Variants in LPP observed in about 807,000 individuals in gnomAD.
LPP encodes LIM domain containing preferred translocation partner in lipoma.
In LPP, 38 loss-of-function variants were observed where a neutral mutation model predicts 60.4. The ratio of observed to expected loss-of-function variants is 0.63; its 90% CI spans 0.49 to 0.83. The LOEUF (loss-of-function observed/expected upper bound fraction) is 0.83, where lower values mean the gene tolerates loss of function less well. Among genes scored for constraint, LPP ranks in the 40% least tolerant of loss-of-function variants. LPP has a pLI of 0.00. For missense variants in LPP, 902 were observed against 783.6 expected (o/e 1.15, Z -1.80); for synonymous variants, 328 against 290.8 (o/e 1.13, Z -1.30).
intron 1 of LPP, among the ~76,000 whole-genome samples, chr3:188,207,609 T>G (rs897605312): frequency 6.6e-6 from 1 of 151,270 alleles, no homozygotes; most frequent in African/African-American, 2.4e-5. Context: ...AAATCTTTCT[T>G]TTCTTTTTCT....
intron 3 of LPP, among the ~76,000 whole-genome samples, chr3:188,378,404 G>A (rs1023433861): frequency 6.6e-6 from 1 of 152,128 alleles, no homozygotes. Flanking sequence ...ACAACTAACT[G>A]GGCAATGGCA....
chr3:188,748,703 A>C (rs1727094852), intron 8 of LPP, among the ~76,000 whole-genome samples: 2 of 152,258 alleles, frequency 1.3e-5, no homozygotes, highest in African/African-American at 4.8e-5. Flanking sequence ...GAATCACTTG[A>C]ACCCGGGAGG....
At chr3:188,581,738 C>G (rs1270873495) in intron 6 of LPP, among the ~76,000 whole-genome samples, 5 of 152,090 alleles carry the variant, frequency 3.3e-5, no homozygotes, top group Non-Finnish European at 4.4e-5. Context: ...CCTCCTAAAT[C>G]GTAAAAATTA....
chr3:188,715,675 G>A (rs193202683), intron 8 of LPP, among the ~76,000 whole-genome samples: 21 of 152,258 alleles, frequency 1.4e-4, no homozygotes, highest in Admixed American at 2.6e-4. Context: ...AGACTTTTCT[G>A]TGTTGGTTGA....
intron 2 of LPP, among the ~76,000 whole-genome samples, chr3:188,256,101 G>T (rs1042904895): frequency 9.9e-5 from 15 of 151,864 alleles, no homozygotes; most frequent in Non-Finnish European, 2.1e-4. Flanking sequence ...CCAACTAATT[G>T]AAATATAAAG....
At chr3:188,846,683 CAAAAAAAAA>C (rs34230552) in intron 9 of LPP, among the ~76,000 whole-genome samples, 2 of 84,624 alleles carry the variant, frequency 2.4e-5, no homozygotes, top group African/African-American at 4.7e-5. Flanking sequence ...GATTCCATCT[CAAAAAAAAA>C]AAAAAAAAAA....
At chr3:188,637,214 C>G (rs1394743489) in intron 7 of LPP, among the ~76,000 whole-genome samples, 2 of 151,946 alleles carry the variant, frequency 1.3e-5, no homozygotes, top group African/African-American at 4.8e-5. Flanking sequence ...GAATCTCACT[C>G]AAAACCACTC....
At chr3:188,633,299 T>C (rs1011698536) in intron 7 of LPP, among the ~76,000 whole-genome samples, 2 of 152,198 alleles carry the variant, frequency 1.3e-5, no homozygotes, top group African/African-American at 4.8e-5. Context: ...CACAGTTCTT[T>C]ACACAGACCA....
At chr3:188,752,548 G>A (rs2150338955) in intron 8 of LPP, among the ~76,000 whole-genome samples, 2 of 152,200 alleles carry the variant, frequency 1.3e-5, no homozygotes, top group African/African-American at 4.8e-5. Context: ...TGGTATTTTT[G>A]TTTTGTTTTT....
intron 2 of LPP, among the ~76,000 whole-genome samples, chr3:188,287,498 G>A (rs2150000926): frequency 6.6e-6 from 1 of 152,318 alleles, no homozygotes; most frequent in South Asian, 2.1e-4. Context: ...GTCAGGTGAA[G>A]AGAGAAGCCA....
intron 4 of LPP, among the ~76,000 whole-genome samples, chr3:188,451,207 C>T (rs957430358): frequency 6.6e-6 from 1 of 152,028 alleles, no homozygotes; most frequent in African/African-American, 2.4e-5. Flanking sequence ...CTACTAGTAC[C>T]TCCTGGTTTC....
intron 1 of LPP, among the ~76,000 whole-genome samples, chr3:188,224,420 G>C (rs1244113184): frequency 6.6e-6 from 1 of 152,170 alleles, no homozygotes; most frequent in East Asian, 1.9e-4. Context: ...CCTTGCCTTG[G>C]GATACTTGTC....
intron 4 of LPP, among the ~76,000 whole-genome samples, chr3:188,437,592 C>A (rs1792659730): frequency 6.6e-6 from 1 of 152,146 alleles, no homozygotes; most frequent in African/African-American, 2.4e-5. Context: ...TTATAGTTTT[C>A]ATAATATGTA....
chr3:188,502,731 A>T (rs1033572791), intron 5 of LPP, among the ~76,000 whole-genome samples: 1 of 152,174 alleles, frequency 6.6e-6, no homozygotes. Context: ...CATTTAATAT[A>T]CCTAACATAC....
At chr3:188,661,293 A>G (rs115608656) in intron 7 of LPP, among the ~76,000 whole-genome samples, 2,809 of 152,334 alleles carry the variant, frequency 0.018, 48 homozygotes, top group South Asian at 0.095. Context: ...TAAAGTCGCT[A>G]TAAACATCCA....
intron 4 of LPP, among the ~76,000 whole-genome samples, chr3:188,481,753 A>G (rs1804840640): frequency 6.6e-6 from 1 of 152,212 alleles, no homozygotes; most frequent in African/African-American, 2.4e-5. Flanking sequence ...AGACCCAGTC[A>G]CATCAATCAC....
At chr3:188,524,928 CTT>C (rs1385307422) in intron 6 of LPP, 141 bp downstream of exon 6, 12 of 659,680 alleles carry the variant, frequency 1.8e-5, no homozygotes, top group Non-Finnish European at 2.9e-5. Context: ...TCCTTCCTTC[CTT>C]CCTTCCTTCC....
chr3:188,741,493 A>G (rs1724413819), intron 8 of LPP, among the ~76,000 whole-genome samples: 1 of 151,906 alleles, frequency 6.6e-6, no homozygotes, highest in African/African-American at 2.4e-5. Context: ...GTACATGTAA[A>G]CCAAATTAGG....
At chr3:188,509,533 G>A (rs977763197) in intron 5 of LPP, among the ~76,000 whole-genome samples, 23 of 152,192 alleles carry the variant, frequency 1.5e-4, no homozygotes, top group East Asian at 5.8e-4. Flanking sequence ...AAGTGGACCC[G>A]TCCCATAAAG....
Sources: gnomAD v4.1 joint callset for allele counts (sites outside exome capture counted in the v4.1 genomes callset) on GRCh38, gnomAD v4.1.1 for gene constraint, MANE v1.5 for transcripts, NCBI Gene and HGNC (gene_info 2026-07-23, HGNC 2026-07-21) for gene names.